SMYD3: variants seen among roughly 807,000 people sequenced by gnomAD.
The protein encoded by SMYD3 is histone-lysine N-methyltransferase SMYD3.
A neutral mutation model predicts 57.7 loss-of-function variants in SMYD3; 36 were observed. That is an observed-to-expected ratio of 0.62 (90% confidence interval 0.48 to 0.82). SMYD3 has a LOEUF of 0.82. Ranked by LOEUF, SMYD3 falls within the 40% of genes least tolerant of loss-of-function variation. SMYD3 has a pLI of 0.00. For synonymous variants in SMYD3, 211 were observed against 195.0 expected (o/e 1.08, Z -0.68); for missense variants, 515 against 538.8 (o/e 0.96, Z 0.44).
At chr1:245,796,093 G>A (rs2791391) in intron 10 of SMYD3, among the ~76,000 whole-genome samples, 33,550 of 151,988 alleles carry the variant, frequency 0.22, 5,053 homozygotes, top group African/African-American at 0.43. Context: ...CAGTGGTGCT[G>A]CCTACAAATA....
At chr1:246,370,296 C>A (rs1258186586) in intron 1 of SMYD3, among the ~76,000 whole-genome samples, 1 of 152,188 alleles carries the variant, frequency 6.6e-6, no homozygotes, top group Non-Finnish European at 1.5e-5. Flanking sequence ...ACATCACTTG[C>A]AGAATGAACC....
chr1:246,281,501 C>A (rs997585739), intron 5 of SMYD3, among the ~76,000 whole-genome samples: 2 of 152,132 alleles, frequency 1.3e-5, no homozygotes, highest in African/African-American at 2.4e-5. Flanking sequence ...TCATATCATA[C>A]CGCAATGTTT....
At chr1:245,865,606 C>T (rs9725235) in intron 8 of SMYD3, among the ~76,000 whole-genome samples, 9,054 of 152,288 alleles carry the variant, frequency 0.059, 900 homozygotes, top group African/African-American at 0.21. Context: ...GCCACAGATA[C>T]TGCTATGGTC....
At position 246,481,621 on chromosome 1, in the gene SMYD3, T is replaced by TATATATATATATATACACACAC. The variant is rs1307881494; in HGVS notation, c.164+25432_164+25433insGTGTGTGTATATATATATATAT. Among the ~76,000 whole-genome samples the TATATATATATATATACACACAC allele has an allele frequency of 1.6e-4, 16 of 98,544 alleles. 1 individual carries two copies. The highest frequency in any genetic ancestry group is 1.1e-3 in the East Asian group (3 of 2,736). 64.6% of individuals were successfully genotyped at this position (98,544 alleles called of 152,430 possible). A position where few individuals can be genotyped will look rare whatever the true frequency, so the allele number is the denominator to read the frequency against. The stretch of plus-strand genomic sequence containing the variant: ...ATATATATATATACACATACATATA[T>TATATATATATATATACACACAC]ACATACATACATACACATATTCATA... On this transcript the variant is annotated intron_variant, in intron 1 of 11. Coordinates refer to ENST00000490107, the MANE Select transcript of SMYD3 (RefSeq NM_001167740.2).
At chr1:246,338,153 G>T (rs1428802329) in intron 2 of SMYD3, among the ~76,000 whole-genome samples, 3 of 152,066 alleles carry the variant, frequency 2.0e-5, no homozygotes, top group Non-Finnish European at 4.4e-5. Flanking sequence ...CTTAAAATTG[G>T]TCTGTAATAT....
intron 5 of SMYD3, among the ~76,000 whole-genome samples, chr1:246,103,094 T>G (rs1452715303): frequency 6.6e-6 from 1 of 152,168 alleles, no homozygotes; most frequent in Non-Finnish European, 1.5e-5. Flanking sequence ...CATAATACAA[T>G]GATTCTTACA....
intron 5 of SMYD3, among the ~76,000 whole-genome samples, chr1:246,292,652 G>A (rs889749033): frequency 6.6e-6 from 1 of 152,224 alleles, no homozygotes; most frequent in Non-Finnish European, 1.5e-5. Context: ...GGGATATGCT[G>A]CAGTAAACCA....
At chr1:246,423,829 T>A (rs1366396141) in intron 1 of SMYD3, among the ~76,000 whole-genome samples, 1 of 152,056 alleles carries the variant, frequency 6.6e-6, no homozygotes, top group African/African-American at 2.4e-5. Context: ...ACAAGTAGAA[T>A]CTTATAGACC....
chr1:246,403,368 C>A (rs1399289310), intron 1 of SMYD3, among the ~76,000 whole-genome samples: 3 of 152,100 alleles, frequency 2.0e-5, no homozygotes, highest in East Asian at 3.9e-4. Flanking sequence ...AATGATGGCA[C>A]ATGCCTGTAG....
chr1:246,343,451 G>T (rs1193918197), intron 2 of SMYD3, among the ~76,000 whole-genome samples: 10 of 152,188 alleles, frequency 6.6e-5, no homozygotes, highest in African/African-American at 2.2e-4. Flanking sequence ...TGAAAAAGTG[G>T]TGGTAAGAGG....
At chr1:245,888,289 T>G (rs550895584) in intron 8 of SMYD3, among the ~76,000 whole-genome samples, 1 of 152,320 alleles carries the variant, frequency 6.6e-6, no homozygotes, top group African/African-American at 2.4e-5. Context: ...TTTCTAGAAT[T>G]CTACCATCTA....
chr1:246,433,659 C>G (rs557297489), intron 1 of SMYD3, among the ~76,000 whole-genome samples: 14 of 152,040 alleles, frequency 9.2e-5, no homozygotes, highest in African/African-American at 3.4e-4. Context: ...AGGCTGGCTC[C>G]GTCTCGAAAA....
At chr1:246,422,614 G>C (rs1203966212) in intron 1 of SMYD3, among the ~76,000 whole-genome samples, 1 of 152,050 alleles carries the variant, frequency 6.6e-6, no homozygotes, top group African/African-American at 2.4e-5. Flanking sequence ...TAGAGACGGG[G>C]TTTCGCCACG....
At chr1:246,014,732 G>A (rs1256537792) in intron 5 of SMYD3, among the ~76,000 whole-genome samples, 3 of 151,882 alleles carry the variant, frequency 2.0e-5, no homozygotes, top group South Asian at 2.1e-4. Context: ...CCAGTGTTGG[G>A]GCTCATAAAC....
At chr1:246,242,236 A>C (rs1373176975) in intron 5 of SMYD3, among the ~76,000 whole-genome samples, 1 of 152,192 alleles carries the variant, frequency 6.6e-6, no homozygotes, top group East Asian at 1.9e-4. Flanking sequence ...TTAATGCTCT[A>C]AATTTCCCTC....
intron 7 of SMYD3, among the ~76,000 whole-genome samples, chr1:245,921,184 TC>T (rs1284966825): frequency 1.3e-5 from 2 of 152,116 alleles, no homozygotes; most frequent in East Asian, 3.9e-4. Flanking sequence ...TTTTAAATGC[TC>T]CACATCACTA....
At position 245,948,290 on chromosome 1, in the gene SMYD3, A is replaced by G. The variant is rs1407160344; in HGVS notation, c.532-18353T>C. 1.1e-4 allele frequency among the ~76,000 whole-genome samples: 16 copies of G among 152,310 alleles called. No individual in the cohort carries two copies. In the East Asian group the frequency reaches 3.1e-3, roughly 29 times the overall value. ...GAATCACAACTGGAACAGATCATCT[A>G]ACAGAGAACAGTGGAATTCAACATG... On this transcript the variant is annotated intron_variant, in intron 5 of 11. Transcript: ENST00000490107.
intron 10 of SMYD3, among the ~76,000 whole-genome samples, chr1:245,783,633 T>C (rs1405180636): frequency 1.3e-5 from 2 of 152,190 alleles, no homozygotes; most frequent in Admixed American, 6.5e-5. Flanking sequence ...TGATTGCCTA[T>C]GTAGAAAATC....
chr1:246,182,733 C>T (rs1406127269), intron 5 of SMYD3, among the ~76,000 whole-genome samples: 1 of 152,168 alleles, frequency 6.6e-6, no homozygotes, highest in Non-Finnish European at 1.5e-5. Context: ...ATCTGGAAGA[C>T]ACCTTTACCC....
Sources: gnomAD v4.1 joint callset for allele counts (sites outside exome capture counted in the v4.1 genomes callset) on GRCh38, gnomAD v4.1.1 for gene constraint, MANE v1.5 for transcripts, NCBI Gene and HGNC (gene_info 2026-07-23, HGNC 2026-07-21) for gene names.